FAT3: variants seen among roughly 807,000 people sequenced by gnomAD.
FAT3 encodes the protein FAT atypical cadherin 3.
A neutral mutation model predicts 310.2 loss-of-function variants in FAT3; 95 were observed. The observed-to-expected ratio is 0.31, with a 90% CI of 0.26 to 0.36. FAT3 has a LOEUF of 0.36. Ranked by LOEUF, FAT3 falls within the 10% of genes least tolerant of loss-of-function variation. The probability of loss-of-function intolerance (pLI) is 1.00; values close to 1 mark genes in which losing one functional copy is unlikely to be tolerated. For synonymous variants in FAT3, 2,314 were observed against 2,192.9 expected (o/e 1.06, Z -1.54); for missense variants, 5,408 against 5,715.6 (o/e 0.95, Z 1.74).
At chr11:92,238,192 A>T (rs1864516169) in intron 1 of FAT3, among the ~76,000 whole-genome samples, 1 of 152,164 alleles carries the variant, frequency 6.6e-6, no homozygotes, top group African/African-American at 2.4e-5. Context: ...CCAAAGATAG[A>T]ACATGAGTAT....
intron 3 of FAT3, among the ~76,000 whole-genome samples, chr11:92,650,062 T>C (rs1942320364): frequency 1.3e-5 from 2 of 151,964 alleles, no homozygotes; most frequent in African/African-American, 4.8e-5. Context: ...CTAAGAGTTA[T>C]AAAACATTAG....
At chr11:92,492,625 C>CT (rs1374982147) in intron 2 of FAT3, among the ~76,000 whole-genome samples, 1 of 151,938 alleles carries the variant, frequency 6.6e-6, no homozygotes, top group Non-Finnish European at 1.5e-5. Flanking sequence ...CCCTTCCTAT[C>CT]TTTTGGAGTT....
At chr11:92,780,231 G>T (rs1381364394) in intron 7 of FAT3, among the ~76,000 whole-genome samples, 1 of 146,812 alleles carries the variant, frequency 6.8e-6, no homozygotes, top group Non-Finnish European at 1.5e-5. Flanking sequence ...GCACAATCAC[G>T]ACTCACGGTA....
At chr11:92,494,192 A>G (rs966414042) in intron 2 of FAT3, among the ~76,000 whole-genome samples, 1 of 152,020 alleles carries the variant, frequency 6.6e-6, no homozygotes, top group Non-Finnish European at 1.5e-5. Flanking sequence ...TCACGAGAAC[A>G]ACATGGAGGA....
In FAT3 at chr11:92,230,438, C is replaced by T. The variant is rs188084625; in HGVS notation, c.-18+5264C>T. On this transcript the variant is annotated intron_variant, in intron 1 of 27. Transcript: ENST00000525166. ...TCTCCCGAGTAACTGGGATTACAGG[C>T]GCACACCACCATGCCCTCTTAATTT... Among the ~76,000 whole-genome samples the T allele has an allele frequency of 7.1e-4, 107 of 149,716 alleles. No individual in the cohort carries two copies. In the East Asian group the frequency reaches 0.014, roughly 19 times the overall value.
chr11:92,236,117 G>T (rs2134240512), intron 1 of FAT3, among the ~76,000 whole-genome samples: 1 of 152,294 alleles, frequency 6.6e-6, no homozygotes, highest in Non-Finnish European at 1.5e-5. Flanking sequence ...ATAAACACCT[G>T]TGCTGTAACT....
At chr11:92,721,563 G>T (rs903526639) in intron 4 of FAT3, among the ~76,000 whole-genome samples, 23 of 152,062 alleles carry the variant, frequency 1.5e-4, no homozygotes, top group African/African-American at 5.3e-4. Context: ...AATATTAAAG[G>T]CGCAAACCTC....
chr11:92,666,513 A>G (rs368385516), intron 3 of FAT3, among the ~76,000 whole-genome samples: 46 of 148,690 alleles, frequency 3.1e-4, no homozygotes, highest in African/African-American at 1.1e-3. Context: ...CACCACGCCC[A>G]GCTATTTTTT....
At chr11:92,610,167 T>G (rs1165503087) in intron 3 of FAT3, among the ~76,000 whole-genome samples, 1 of 152,232 alleles carries the variant, frequency 6.6e-6, no homozygotes, top group Non-Finnish European at 1.5e-5. Flanking sequence ...ATTAAATGAT[T>G]AAACTAAATT....
At chr11:92,463,126 G>A (rs1398931466) in intron 2 of FAT3, among the ~76,000 whole-genome samples, 1 of 152,154 alleles carries the variant, frequency 6.6e-6, no homozygotes, top group Non-Finnish European at 1.5e-5. Flanking sequence ...AGTTTATTTT[G>A]CTTTGCTATT....
At chr11:92,848,583 G>T (rs1432412411) in intron 19 of FAT3, among the ~76,000 whole-genome samples, 1 of 152,250 alleles carries the variant, frequency 6.6e-6, no homozygotes, top group African/African-American at 2.4e-5. Flanking sequence ...CAGTTGGATG[G>T]ACTGCCAGTG....
At chr11:92,439,789 G>C (rs1238621734) in intron 2 of FAT3, among the ~76,000 whole-genome samples, 1 of 152,090 alleles carries the variant, frequency 6.6e-6, no homozygotes, top group Non-Finnish European at 1.5e-5. Flanking sequence ...AGGCGTTTGT[G>C]CCTGTGGTTC....
chr11:92,842,454 C>T (rs1442755744), intron 18 of FAT3, among the ~76,000 whole-genome samples: 2 of 152,244 alleles, frequency 1.3e-5, no homozygotes, highest in Non-Finnish European at 2.9e-5. Context: ...CTTTGAAGCA[C>T]TCCACAGTTT....
rs142378885 is a variant in FAT3 at position 92,721,310 on chromosome 11, T to C, written c.3669+23865T>C. Among the ~76,000 whole-genome samples the C allele has an allele frequency of 6.7e-4, 102 of 152,334 alleles. No homozygotes were observed. In the East Asian group the frequency reaches 0.018, roughly 26 times the overall value. ...TGAAAATCTGTGTCCTCTGAGGATA[T>C]TGAAAATATTCTAAAATTTGATTAT... On this transcript the variant is annotated intron_variant, in intron 4 of 27. Transcript: ENST00000525166.
intron 3 of FAT3, among the ~76,000 whole-genome samples, chr11:92,663,844 T>C (rs1047375088): frequency 3.9e-5 from 6 of 152,216 alleles, no homozygotes; most frequent in Non-Finnish European, 7.3e-5. Flanking sequence ...CTGCCAGTTA[T>C]TGTTTGAAAA....
At chr11:92,548,609 A>C (rs1954697800) in intron 3 of FAT3, among the ~76,000 whole-genome samples, 1 of 152,336 alleles carries the variant, frequency 6.6e-6, no homozygotes, top group African/African-American at 2.4e-5. Context: ...AGCATTTTGT[A>C]ATTTTAAAAA....
chr11:92,628,831 G>A (rs1307558462), intron 3 of FAT3, among the ~76,000 whole-genome samples: 1 of 152,172 alleles, frequency 6.6e-6, no homozygotes, highest in African/African-American at 2.4e-5. Flanking sequence ...TGATGACTTG[G>A]CAGCTGGATC....
chr11:92,842,115 G>A (rs1001912431), intron 18 of FAT3, among the ~76,000 whole-genome samples: 1 of 152,172 alleles, frequency 6.6e-6, no homozygotes, highest in Non-Finnish European at 1.5e-5. Flanking sequence ...GCATGGTTGT[G>A]ATAAAGGCTG....
rs576994258 is a variant in FAT3 at position 92,566,420 on chromosome 11, A to C, written c.3607+41472A>C. Among the ~76,000 whole-genome samples, 285 of 152,186 alleles carry C rather than the reference A, an allele frequency of 1.9e-3. 1 individual carries two copies. Among genetic ancestry groups the C allele is most frequent in the African/African-American group, 6.2e-3 (258 of 41,522 alleles). On this transcript the variant is annotated intron_variant, in intron 3 of 27. Coordinates refer to ENST00000525166, the MANE Select transcript of FAT3 (RefSeq NM_001367949.2). ...ACAAATGGAAGAACATTCCATGCTC[A>C]TGGGTAGGAAGAATCAATATCGTGA...
Sources: allele counts gnomAD v4.1 joint callset (sites outside exome capture counted in the v4.1 genomes callset), GRCh38; gene constraint gnomAD v4.1.1; transcripts MANE v1.5; gene names NCBI Gene and HGNC (gene_info 2026-07-23, HGNC 2026-07-21).